PLCB1: variants seen among roughly 807,000 people sequenced by gnomAD.
The protein encoded by PLCB1 is phospholipase C beta 1.
A neutral mutation model predicts 161.8 loss-of-function variants in PLCB1; 46 were observed. The observed-to-expected ratio is 0.28, with a 90% CI of 0.22 to 0.36. The LOEUF is 0.36. PLCB1 is among the 10% of genes least tolerant of loss of function. The pLI is 1.00. For missense variants in PLCB1, 1,016 were observed against 1,472.5 expected, an observed-to-expected ratio of 0.69 and a Z score of 5.07; for synonymous variants, 517 against 503.7, an observed-to-expected ratio of 1.03 and a Z score of -0.35.
chr20:8,768,666 C>A (rs940285181), intron 26 of PLCB1, among the ~76,000 whole-genome samples: 1 of 152,196 alleles, frequency 6.6e-6, no homozygotes, highest in Non-Finnish European at 1.5e-5. Context: ...GGCCAAGTAA[C>A]CTGGCCAGGG....
intron 31 of PLCB1, among the ~76,000 whole-genome samples, chr20:8,826,985 CTT>C (rs751862443): frequency 4.2e-4 from 64 of 152,246 alleles, no homozygotes; most frequent in Non-Finnish European, 7.1e-4. Context: ...GAAATTATCA[CTT>C]TGCGTATTTC....
intron 1 of PLCB1, among the ~76,000 whole-genome samples, chr20:8,137,773 G>A (rs2123004906): frequency 6.6e-6 from 1 of 152,078 alleles, no homozygotes; most frequent in Middle Eastern, 3.4e-3. Flanking sequence ...CCCTTCTAAG[G>A]GTAACCCTTA....
intron 3 of PLCB1, among the ~76,000 whole-genome samples, chr20:8,458,466 T>G (rs916094104): frequency 1.4e-4 from 22 of 152,166 alleles, no homozygotes; most frequent in African/African-American, 4.8e-4. Flanking sequence ...ATGTTTCCCT[T>G]TCTTAATGGG....
intron 9 of PLCB1, among the ~76,000 whole-genome samples, chr20:8,672,491 T>C (rs1405539033): frequency 1.3e-5 from 2 of 151,780 alleles, no homozygotes; most frequent in Non-Finnish European, 2.9e-5. Flanking sequence ...TGGCTACTGC[T>C]GCCTTAAACT....
intron 3 of PLCB1, among the ~76,000 whole-genome samples, chr20:8,467,810 T>G (rs1341335338): frequency 6.6e-6 from 1 of 152,170 alleles, no homozygotes; most frequent in Non-Finnish European, 1.5e-5. Context: ...TTTCAGTGAT[T>G]GACACATCCA....
chr20:8,759,892 T>C (rs1338575664), intron 24 of PLCB1, among the ~76,000 whole-genome samples: 1 of 122,514 alleles, frequency 8.2e-6, no homozygotes, highest in African/African-American at 3.0e-5. Context: ...GCATATAATA[T>C]CACATTTTTT....
chr20:8,645,123 GC>G (rs1989128593), intron 4 of PLCB1, among the ~76,000 whole-genome samples: 1 of 151,156 alleles, frequency 6.6e-6, no homozygotes, highest in African/African-American at 2.4e-5. Context: ...AAGGCAGCAT[GC>G]TCGTTAAGAG....
At chr20:8,442,303 G>T (rs957906937) in intron 3 of PLCB1, among the ~76,000 whole-genome samples, 14 of 152,192 alleles carry the variant, frequency 9.2e-5, no homozygotes, top group South Asian at 4.1e-4. Flanking sequence ...GGGCCGGCAG[G>T]TTTCGTTGTC....
chr20:8,187,501 A>G (rs944267615), intron 2 of PLCB1, among the ~76,000 whole-genome samples: 1 of 152,148 alleles, frequency 6.6e-6, no homozygotes, highest in Non-Finnish European at 1.5e-5. Context: ...TTAGAATCAC[A>G]TACTTTAAGA....
intron 11 of PLCB1, 40 bp downstream of exon 11, chr20:8,697,823 C>A (rs1451497191): frequency 2.5e-6 from 4 of 1,587,564 alleles, no homozygotes; most frequent in Non-Finnish European, 3.5e-6. Flanking sequence ...CAGCTGGAGA[C>A]ACCTGATTCC....
At chr20:8,451,727 T>C (rs972124182) in intron 3 of PLCB1, among the ~76,000 whole-genome samples, 7 of 152,082 alleles carry the variant, frequency 4.6e-5, no homozygotes, top group Non-Finnish European at 2.9e-5. Context: ...TTCCTCCTTT[T>C]TCCTCCCCTC....
At chr20:8,323,665 AG>A (rs770656587) in intron 2 of PLCB1, among the ~76,000 whole-genome samples, 16 of 152,156 alleles carry the variant, frequency 1.1e-4, no homozygotes, top group Non-Finnish European at 2.2e-4. Context: ...AGGCTTCTCT[AG>A]GTTAGAAGCA....
chr20:8,311,535 A>C (rs1007041918), intron 2 of PLCB1, among the ~76,000 whole-genome samples: 1 of 152,214 alleles, frequency 6.6e-6, no homozygotes, highest in South Asian at 2.1e-4. Flanking sequence ...GAGAAAAGGC[A>C]TCTGTGATTG....
intron 31 of PLCB1, among the ~76,000 whole-genome samples, chr20:8,812,443 G>GCTGGTGTGAGCGGGGC (rs1175448719): frequency 2.3e-4 from 35 of 151,470 alleles, no homozygotes; most frequent in Non-Finnish European, 4.4e-4. Flanking sequence ...GTGAGCGGGG[G>GCTGGTGTGAGCGGGGC]CTGGTGAAAG....
chr20:8,223,527 T>C (rs1055575593), intron 2 of PLCB1, among the ~76,000 whole-genome samples: 3 of 152,182 alleles, frequency 2.0e-5, no homozygotes, highest in African/African-American at 7.2e-5. Context: ...GTCTCAACTT[T>C]TGAAATTCAG....
chr20:8,494,577 G>A (rs1303406697), intron 3 of PLCB1, among the ~76,000 whole-genome samples: 11 of 152,270 alleles, frequency 7.2e-5, no homozygotes, highest in African/African-American at 2.6e-4. Flanking sequence ...AGGAAGAGAG[G>A]AGAGAAAAAC....
intron 31 of PLCB1, among the ~76,000 whole-genome samples, chr20:8,878,222 AAC>A (rs942792150): frequency 2.0e-5 from 3 of 152,192 alleles, no homozygotes; most frequent in African/African-American, 7.2e-5. Flanking sequence ...ATAAGAGAAC[AAC>A]AATCTGTTGT....
intron 31 of PLCB1, among the ~76,000 whole-genome samples, chr20:8,816,806 A>G (rs1985105568): frequency 6.6e-6 from 1 of 152,214 alleles, no homozygotes; most frequent in African/African-American, 2.4e-5. Flanking sequence ...TGGGTGATTA[A>G]AAGTATTCTT....
At chr20:8,422,731 C>T (rs1276927415) in intron 3 of PLCB1, among the ~76,000 whole-genome samples, 3 of 152,092 alleles carry the variant, frequency 2.0e-5, no homozygotes, top group African/African-American at 4.8e-5. Context: ...GAGGGAATAG[C>T]CATTGAGTAG....
Sources: gnomAD v4.1 joint callset for allele counts (sites outside exome capture counted in the v4.1 genomes callset) on GRCh38, gnomAD v4.1.1 for gene constraint, MANE v1.5 for transcripts, NCBI Gene and HGNC (gene_info 2026-07-23, HGNC 2026-07-21) for gene names.